CNTN5: variants seen among roughly 807,000 people sequenced by gnomAD.
The protein encoded by CNTN5 is contactin-5.
CNTN5 carries 77 observed loss-of-function variants against 129.1 expected under a neutral mutation model. The observed-to-expected ratio is 0.60, with a 90% CI of 0.50 to 0.72. The LOEUF is 0.72. CNTN5 is among the 30% of genes least tolerant of loss of function. The pLI is 0.00. For synonymous variants in CNTN5, 509 were observed against 465.6 expected, an observed-to-expected ratio of 1.09 and a Z score of -1.20; for missense variants, 1,478 against 1,328.8, an observed-to-expected ratio of 1.11 and a Z score of -1.75.
intron 2 of CNTN5, among the ~76,000 whole-genome samples, chr11:99,357,853 A>G (rs950921297): frequency 6.6e-6 from 1 of 151,072 alleles, no homozygotes; most frequent in African/African-American, 2.4e-5. Flanking sequence ...AGACTCTACT[A>G]GTGTCTCCTT....
intron 2 of CNTN5, among the ~76,000 whole-genome samples, chr11:99,389,902 A>T (rs2136184803): frequency 6.6e-6 from 1 of 152,292 alleles, no homozygotes; most frequent in African/African-American, 2.4e-5. Flanking sequence ...ATCGAATGTG[A>T]AAGTGTGATT....
intron 18 of CNTN5, among the ~76,000 whole-genome samples, chr11:100,280,377 G>GTA (rs1035135702): frequency 1.3e-5 from 2 of 151,612 alleles, no homozygotes; most frequent in Admixed American, 6.6e-5. Flanking sequence ...GAGTGCACAT[G>GTA]TATTTCAAAT....
At chr11:99,405,215 A>G (rs891611865) in intron 2 of CNTN5, among the ~76,000 whole-genome samples, 40 of 152,160 alleles carry the variant, frequency 2.6e-4, no homozygotes, top group African/African-American at 7.9e-4. Context: ...TTTGAGTTAA[A>G]TCTGCTTGGT....
chr11:99,162,683 G>A (rs563755748), intron 1 of CNTN5, among the ~76,000 whole-genome samples: 26 of 152,266 alleles, frequency 1.7e-4, no homozygotes, highest in African/African-American at 6.3e-4. Flanking sequence ...CTTGTCTGAA[G>A]TTGCACAGCT....
chr11:99,689,530 GAAAAAAA>G (rs368912453), intron 3 of CNTN5, among the ~76,000 whole-genome samples: 2 of 92,902 alleles, frequency 2.2e-5, no homozygotes, highest in Non-Finnish European at 3.8e-5. Flanking sequence ...CCTCAAAAAA[GAAAAAAA>G]AAAAAAAAAA....
At chr11:99,874,459 A>G (rs1948583500) in intron 6 of CNTN5, among the ~76,000 whole-genome samples, 1 of 152,030 alleles carries the variant, frequency 6.6e-6, no homozygotes, top group Admixed American at 6.6e-5. Flanking sequence ...CCCTTTGATG[A>G]TGGTGATGAA....
chr11:99,879,194 T>C (rs1414249973), intron 6 of CNTN5, among the ~76,000 whole-genome samples: 1 of 152,012 alleles, frequency 6.6e-6, no homozygotes, highest in Admixed American at 6.6e-5. Flanking sequence ...CACCTCGGCC[T>C]CCCAAAGTGC....
intron 2 of CNTN5, among the ~76,000 whole-genome samples, chr11:99,546,378 G>T (rs1241897236): frequency 1.3e-5 from 2 of 152,100 alleles, no homozygotes; most frequent in Non-Finnish European, 2.9e-5. Context: ...TATTCAAAAG[G>T]ATACAGGAGG....
intron 1 of CNTN5, among the ~76,000 whole-genome samples, chr11:99,120,904 G>T (rs1470843841): frequency 1.3e-5 from 2 of 151,972 alleles, no homozygotes; most frequent in Non-Finnish European, 2.9e-5. Context: ...AATTTACCCA[G>T]GCTTATATAT....
intron 13 of CNTN5, among the ~76,000 whole-genome samples, chr11:100,151,434 T>C (rs1555022848): frequency 6.6e-6 from 1 of 151,818 alleles, no homozygotes; most frequent in Non-Finnish European, 1.5e-5. Context: ...AAAATGAGAG[T>C]AGGAGATTAT....
At chr11:100,146,799 T>C (rs1946864719) in intron 13 of CNTN5, among the ~76,000 whole-genome samples, 1 of 152,174 alleles carries the variant, frequency 6.6e-6, no homozygotes, top group South Asian at 2.1e-4. Context: ...GCAAGGTGAC[T>C]TTTAAATGTT....
At chr11:99,769,327 G>T (rs187398721) in intron 3 of CNTN5, among the ~76,000 whole-genome samples, 6 of 152,172 alleles carry the variant, frequency 3.9e-5, no homozygotes, top group African/African-American at 1.2e-4. Flanking sequence ...AAGATACCAA[G>T]ATCTGAGTAT....
intron 3 of CNTN5, among the ~76,000 whole-genome samples, chr11:99,748,627 A>G (rs1944135586): frequency 6.6e-6 from 1 of 152,174 alleles, no homozygotes; most frequent in African/African-American, 2.4e-5. Context: ...AGGCCTGAGA[A>G]CTTGAGTGGG....
intron 6 of CNTN5, among the ~76,000 whole-genome samples, chr11:99,854,765 C>G (rs903858968): frequency 6.6e-6 from 1 of 151,794 alleles, no homozygotes; most frequent in Non-Finnish European, 1.5e-5. Context: ...GGGAACTGGC[C>G]ACAAAACATG....
chr11:99,509,223 T>C (rs1023839080), intron 2 of CNTN5, among the ~76,000 whole-genome samples: 2 of 152,202 alleles, frequency 1.3e-5, no homozygotes, highest in Admixed American at 6.5e-5. Context: ...AGCTCATCCC[T>C]GTGTTCTTTA....
intron 2 of CNTN5, among the ~76,000 whole-genome samples, chr11:99,415,242 G>T (rs970124881): frequency 6.6e-6 from 1 of 152,058 alleles, no homozygotes; most frequent in East Asian, 1.9e-4. Context: ...ATAACCTAAA[G>T]GTACATGGGA....
chr11:99,831,736 C>T (rs1158229617), intron 4 of CNTN5, among the ~76,000 whole-genome samples: 4 of 152,158 alleles, frequency 2.6e-5, no homozygotes, highest in African/African-American at 4.8e-5. Context: ...ACAATGTGAT[C>T]GAGAAGTGGT....
chr11:99,055,410 C>T (rs1318183240), intron 1 of CNTN5, among the ~76,000 whole-genome samples: 2 of 151,986 alleles, frequency 1.3e-5, no homozygotes, highest in African/African-American at 2.4e-5. Context: ...CAATGACCAA[C>T]TCAATATAAT....
intron 6 of CNTN5, among the ~76,000 whole-genome samples, chr11:99,859,836 A>G (rs1383301017): frequency 1.3e-5 from 2 of 152,068 alleles, no homozygotes; most frequent in East Asian, 1.9e-4. Context: ...TTTTGGTAGA[A>G]CTGTTTGTTT....
Sources: gnomAD v4.1 joint callset for allele counts (sites outside exome capture counted in the v4.1 genomes callset) on GRCh38, gnomAD v4.1.1 for gene constraint, MANE v1.5 for transcripts, NCBI Gene and HGNC (gene_info 2026-07-23, HGNC 2026-07-21) for gene names.